KLRG1: variants seen among roughly 807,000 people sequenced by gnomAD.
KLRG1 encodes the protein killer cell lectin-like receptor subfamily G member 1.
In KLRG1, 16 loss-of-function variants were observed where a neutral mutation model predicts 21.8. That is an observed-to-expected ratio of 0.73 (90% CI 0.50 to 1.11). KLRG1 has a LOEUF of 1.11. Among genes scored for constraint, KLRG1 ranks in the 50% most tolerant of loss-of-function variants. KLRG1 has a pLI of 0.00. For synonymous variants in KLRG1, 69 were observed against 75.9 expected, an observed-to-expected ratio of 0.91 and a Z score of 0.47; for missense variants, 173 against 218.3, an observed-to-expected ratio of 0.79 and a Z score of 1.31.
the KLRG1 span, chr12:9,194,296 C>A: frequency 6.6e-7 from 1 of 1,515,488 alleles, no homozygotes; most frequent in Admixed American, 1.9e-5. Context: ...GGACTGAACT[C>A]ATGTGAACAA....
the KLRG1 span, among the ~76,000 whole-genome samples, chr12:9,056,185 A>G: frequency 6.6e-6 from 1 of 152,198 alleles, no homozygotes; most frequent in African/African-American, 2.4e-5. Context: ...GGGAGCTTCA[A>G]CGGGACAGGG....
the KLRG1 span, chr12:9,196,488 A>G: frequency 2.5e-6 from 4 of 1,576,082 alleles, no homozygotes; most frequent in Non-Finnish European, 2.6e-6. Flanking sequence ...TTAGTCATAA[A>G]ATTTCTTTCT....
the KLRG1 span, among the ~76,000 whole-genome samples, chr12:9,155,489 G>T: frequency 6.9e-6 from 1 of 145,454 alleles, no homozygotes; most frequent in Non-Finnish European, 1.5e-5. Flanking sequence ...TTTTGTTGTT[G>T]TTATTGTTGT....
the KLRG1 span, among the ~76,000 whole-genome samples, chr12:9,099,028 C>T: frequency 0.17 from 25,646 of 152,108 alleles, 2,376 homozygotes; most frequent in African/African-American, 0.23. Flanking sequence ...GCAAGGTGCT[C>T]ATTAATTGTG....
chr12:9,192,835 T>C, the KLRG1 span: 1 of 767,732 alleles, frequency 1.3e-6, no homozygotes, highest in Non-Finnish European at 2.1e-6. Context: ...TCTTCCACTC[T>C]AAAATACACT....
At chr12:8,991,977 A>G in intron 1 of KLRG1, 1 of 386,340 alleles carries the variant, frequency 2.6e-6, no homozygotes, top group Non-Finnish European at 4.7e-6. Flanking sequence ...TCAAAGGAAA[A>G]AAGCATTCTT....
At chr12:9,112,552 G>T in the KLRG1 span, 4 of 1,612,824 alleles carry the variant, frequency 2.5e-6, no homozygotes, top group Non-Finnish European at 3.4e-6. Context: ...ATACAGGACC[G>T]ATCCTGAAAC....
chr12:9,146,112 T>C, the KLRG1 span, among the ~76,000 whole-genome samples: 3 of 152,172 alleles, frequency 2.0e-5, no homozygotes, highest in Non-Finnish European at 2.9e-5. Context: ...AATAAGTTTT[T>C]TCTTTCTTTC....
chr12:9,015,976 A>G, the KLRG1 span, among the ~76,000 whole-genome samples: 3 of 152,218 alleles, frequency 2.0e-5, no homozygotes, highest in African/African-American at 7.2e-5. Flanking sequence ...TAATGGAAAC[A>G]TAATACCAAA....
the KLRG1 span, chr12:9,090,332 T>G: frequency 6.2e-7 from 1 of 1,613,876 alleles, no homozygotes; most frequent in African/African-American, 1.3e-5. Context: ...AGTAGAGAAT[T>G]ATCTCTAGCA....
At chr12:9,158,528 G>A in the KLRG1 span, 21 of 1,614,180 alleles carry the variant, frequency 1.3e-5, no homozygotes, top group Non-Finnish European at 1.8e-5. Context: ...CATCAATGAA[G>A]ATGTAGGATC....
At chr12:8,990,363 A>T (rs1256382977) in intron 1 of KLRG1, 1 of 152,168 alleles carries the variant, frequency 6.6e-6, no homozygotes, top group Non-Finnish European at 1.5e-5. Flanking sequence ...TGTAAATGCC[A>T]AAATTAATCC....
At chr12:9,160,491 C>G in the KLRG1 span, 3 of 1,609,286 alleles carry the variant, frequency 1.9e-6, no homozygotes, top group Non-Finnish European at 2.5e-6. Context: ...AATATGTCAC[C>G]TGGGGAATGT....
At chr12:8,992,714 T>A (rs114705132) in intron 2 of KLRG1, among the ~76,000 whole-genome samples, 3,087 of 151,876 alleles carry the variant, frequency 0.02, 107 homozygotes, top group African/African-American at 0.067. Context: ...TATTATTTTT[T>A]TTTTTTTGTA....
At chr12:9,184,766 C>T in the KLRG1 span, among the ~76,000 whole-genome samples, 2 of 152,212 alleles carry the variant, frequency 1.3e-5, no homozygotes, top group Non-Finnish European at 2.9e-5. Context: ...GATACCAGTT[C>T]CCCAGAGTTA....
the KLRG1 span, among the ~76,000 whole-genome samples, chr12:9,181,657 A>G: frequency 6.6e-6 from 1 of 152,326 alleles, no homozygotes; most frequent in Non-Finnish European, 1.5e-5. Flanking sequence ...ACACATGATA[A>G]GGTAATTCTA....
the KLRG1 span, among the ~76,000 whole-genome samples, chr12:9,086,826 T>C: frequency 1.0e-3 from 152 of 152,256 alleles, no homozygotes; most frequent in Admixed American, 7.1e-3. Context: ...AATATCCAAA[T>C]TGACAAGGAA....
the KLRG1 span, among the ~76,000 whole-genome samples, chr12:9,081,564 A>T: frequency 6.6e-6 from 1 of 152,228 alleles, no homozygotes; most frequent in East Asian, 1.9e-4. Context: ...CAAGTCTAGG[A>T]CACCTACATT....
chr12:9,118,398 C>T, the KLRG1 span, among the ~76,000 whole-genome samples: 6 of 152,180 alleles, frequency 3.9e-5, no homozygotes, highest in African/African-American at 9.7e-5. Flanking sequence ...TTCTGCGCTT[C>T]CCCTTTCTTC....
Sources: gnomAD v4.1 joint callset for allele counts (sites outside exome capture counted in the v4.1 genomes callset) on GRCh38, gnomAD v4.1.1 for gene constraint, MANE v1.5 for transcripts, NCBI Gene and HGNC (gene_info 2026-07-23, HGNC 2026-07-21) for gene names.